PDLIM3: variants seen among roughly 807,000 people sequenced by gnomAD.
PDLIM3 encodes the protein PDZ and LIM domain 3.
PDLIM3 carries 36 observed loss-of-function variants against 37.3 expected under a neutral mutation model. That is an observed-to-expected ratio of 0.97 (90% CI 0.74 to 1.28). The LOEUF (loss-of-function observed/expected upper bound fraction) is 1.28, where lower values mean the gene tolerates loss of function less well. PDLIM3 is among the 50% of genes most tolerant of loss of function. PDLIM3 has a pLI of 0.00. For synonymous variants in PDLIM3, 174 were observed against 182.4 expected, an observed-to-expected ratio of 0.95 and a Z score of 0.37; for missense variants, 454 against 485.0, an observed-to-expected ratio of 0.94 and a Z score of 0.60.
intron 4 of PDLIM3, among the ~76,000 whole-genome samples, chr4:185,511,931 T>A (rs1351338831): frequency 6.6e-6 from 1 of 152,068 alleles, no homozygotes; most frequent in Non-Finnish European, 1.5e-5. Flanking sequence ...ACTACATTTG[T>A]TTTAAAAGTT....
intron 1 of PDLIM3, among the ~76,000 whole-genome samples, chr4:185,534,057 CG>C (rs112934251): frequency 3.3e-5 from 5 of 152,094 alleles, no homozygotes; most frequent in African/African-American, 1.2e-4. Context: ...TACTTAGGAA[CG>C]TTTTTGGGGG....
chr4:185,506,735 C>T, intron 5 of PDLIM3, 83 bp from the exon 6 acceptor site: 1 of 1,337,820 alleles, frequency 7.5e-7, no homozygotes, highest in Non-Finnish European at 1.1e-6. Context: ...CAATACTCAG[C>T]CATTACTCTA....
intron 1 of PDLIM3, among the ~76,000 whole-genome samples, chr4:185,534,010 G>A (rs1401965006): frequency 1.3e-5 from 2 of 152,162 alleles, no homozygotes; most frequent in African/African-American, 4.8e-5. Context: ...AATAGGAATT[G>A]CTTGGCCCAG....
In PDLIM3 at chr4:185,514,949, C is replaced by T. The variant is rs898005780; in HGVS notation, c.331-612G>A. ...AGCGCACAAGAAAGCCATTAGTGAG[C>T]GAAACCAACAGCATCACTACTGTTA... On this transcript the variant is annotated intron_variant, in intron 3 of 7. Coordinates refer to ENST00000284767, the MANE Select transcript of PDLIM3 (RefSeq NM_014476.6). This position sits in a 1 kb window ranked among gnomAD's most constrained non-coding sequence, Gnocchi z 4.0. The T allele has an allele frequency of 7.4e-6, 10 of 1,347,916 alleles. No individual in the cohort carries two copies. Among genetic ancestry groups the T allele is most frequent in the African/African-American group, 5.9e-5 (4 of 68,092 alleles). The allele number at this position is 1,347,916 out of a possible 1,614,324, so 83.5% of individuals were successfully genotyped here.
intron 3 of PDLIM3, chr4:185,515,120 C>T (rs1360315435): frequency 3.0e-6 from 1 of 337,684 alleles, no homozygotes; most frequent in Non-Finnish European, 5.3e-6. Context: ...CCTTATTTAA[C>T]ATATTATAAA....
In PDLIM3 at chr4:185,514,872, T is replaced by C. The variant is rs1421842898; in HGVS notation, c.331-535A>G. 1.3e-6 allele frequency: 2 copies of C among 1,551,244 alleles called. No individual in the cohort carries two copies. Among genetic ancestry groups the C allele is most frequent in the East Asian group, 4.9e-5 (2 of 40,914 alleles). On this transcript the variant is annotated intron_variant, in intron 3 of 7. Transcript: ENST00000284767. This position sits in a 1 kb window ranked among gnomAD's most constrained non-coding sequence, Gnocchi z 4.0. ...GGCTGGGCCCTTCTGTTGTGCGCGG[T>C]ACCAATGGGTTTGAATTCCTGTACA... is the stretch of plus-strand genomic sequence containing the variant.
intron 3 of PDLIM3, chr4:185,523,143 G>T (rs1261033849): frequency 6.0e-6 from 3 of 501,308 alleles, no homozygotes; most frequent in African/African-American, 5.8e-5. Flanking sequence ...TCTGATGGGA[G>T]CATATTTTGT....
At chr4:185,530,606 C>T (rs957582691) in intron 1 of PDLIM3, among the ~76,000 whole-genome samples, 2 of 152,240 alleles carry the variant, frequency 1.3e-5, no homozygotes, top group East Asian at 1.9e-4. Flanking sequence ...CCCTTATTCA[C>T]GGTTTTATTT....
Position 185,525,042 on chromosome 4 carries a change from G to T in PDLIM3, c.223C>A (p.Gln75Lys). 6.2e-7 allele frequency: 1 copy of T among 1,614,136 alleles called. No homozygotes were observed. Residue 75 changes from glutamine to lysine, a missense_variant, in exon 2 of 8, where the codon CAG becomes AAG. By Grantham distance (53) the Gln-to-Lys change is moderately conservative (BLOSUM62 1). Transcript: ENST00000284767. The stretch of plus-strand genomic sequence containing the variant: ...CACCTGTCAATTTTGAGACACAGCT[G>T]GTGAGCTGCTGCTTTAATCCTGTCC... Reference protein sequence around the residue: ...AQDRIKAAAHQLCLKIDRGET... With the variant: ...AQDRIKAAAHKLCLKIDRGET...
intron 3 of PDLIM3, chr4:185,515,685 A>G (rs1425015418): frequency 6.6e-6 from 1 of 152,216 alleles, no homozygotes; most frequent in Admixed American, 6.5e-5. Flanking sequence ...AAAAGGACCA[A>G]ACAGCAGAGT....
rs1182443667 is a variant in PDLIM3, at chr4:185,504,012, G to A, written c.905+463C>T. Among the ~76,000 whole-genome samples the A allele has an allele frequency of 1.3e-5, 2 of 151,868 alleles. No individual in the cohort carries two copies. Among genetic ancestry groups the A allele is most frequent in the African/African-American group, 4.8e-5 (2 of 41,358 alleles). On this transcript the variant is annotated intron_variant, in intron 7 of 7. Coordinates refer to ENST00000284767, the MANE Select transcript of PDLIM3 (RefSeq NM_014476.6). The surrounding 1 kb of genome is among the most constrained non-coding windows in gnomAD (Gnocchi z 4.7). ...TTTTCAATATTTTGTTTCAACATTT[G>A]TGTAACTTACACTGGGTAAGGATAA...
At chr4:185,532,688 G>T (rs1335288094) in intron 1 of PDLIM3, among the ~76,000 whole-genome samples, 1 of 152,212 alleles carries the variant, frequency 6.6e-6, no homozygotes, top group Admixed American at 6.5e-5. Flanking sequence ...GAAAAGTCAT[G>T]AATGTTGTGC....
At chr4:185,535,120 C>A (rs961676050) in intron 1 of PDLIM3, among the ~76,000 whole-genome samples, 2 of 152,232 alleles carry the variant, frequency 1.3e-5, no homozygotes, top group Non-Finnish European at 2.9e-5. Flanking sequence ...GATGGGACAC[C>A]TTTAGAGCGG....
chr4:185,504,375 T>C lies in PDLIM3; in HGVS notation c.905+100A>G. On this transcript the variant is annotated intron_variant, in intron 7 of 7. Transcript: ENST00000284767. This position sits in a 1 kb window ranked among gnomAD's most constrained non-coding sequence, Gnocchi z 4.7. ...CGTTTCAAGTTGATGAATAGAAATT[T>C]GGTTTTCACAGTTGCCTTTAGTCTA... The C allele has an allele frequency of 1.1e-6, 1 of 892,866 alleles. No individual in the cohort carries two copies. The highest frequency in any genetic ancestry group is 2.0e-5 in the Admixed American group (1 of 50,620). The allele number at this position is 892,866 out of a possible 1,614,324, so 55.3% of individuals were successfully genotyped here.
At chr4:185,524,711 T>C (rs137972160) in intron 2 of PDLIM3, among the ~76,000 whole-genome samples, 279 of 152,308 alleles carry the variant, frequency 1.8e-3, no homozygotes, top group African/African-American at 6.4e-3. Flanking sequence ...ATATAACTAG[T>C]TGTGTTGTTC....
chr4:185,507,987 C>T (rs557403472), intron 5 of PDLIM3, among the ~76,000 whole-genome samples: 8 of 152,092 alleles, frequency 5.3e-5, no homozygotes, highest in South Asian at 2.1e-4. Flanking sequence ...TTGTAGCTTT[C>T]GAGAGACATA....
chr4:185,523,219 A>C (rs1300561379), intron 3 of PDLIM3, 143 bp downstream of exon 3: 2 of 634,978 alleles, frequency 3.1e-6, no homozygotes, highest in Non-Finnish European at 5.7e-6. Flanking sequence ...GGATAATATA[A>C]ATTAATCTCG....
Position 185,502,483 on chromosome 4 carries a change from G to A in PDLIM3, c.906C>T (p.Val302=), listed in dbSNP as rs4635850. 0.82 allele frequency: 1,320,144 copies of A among 1,613,280 alleles called. 549,789 individuals are homozygous for A. Among genetic ancestry groups the A allele is most frequent in the Non-Finnish European group, 0.86 (1,009,595 of 1,179,386 alleles). Residue 302 remains valine (V), a splice_region_variant and synonymous_variant, in exon 8 of 8, where the codon GTC becomes GTT. Coordinates refer to ENST00000284767, the MANE Select transcript of PDLIM3 (RefSeq NM_014476.6). ...TATCCCGCGCCTTCACCACAGCACC[G>A]CTGTTGGGGAAGAAAACGAGCTCAA... ...PLCDKCGSGI[V]GAVVKARDKY...
chr4:185,530,516 G>T (rs1038809154), intron 1 of PDLIM3, among the ~76,000 whole-genome samples: 1 of 152,142 alleles, frequency 6.6e-6, no homozygotes, highest in Non-Finnish European at 1.5e-5. Flanking sequence ...ATTTTAGTGA[G>T]AAAAGACACA....
Sources: gnomAD v4.1 joint callset for allele counts (sites outside exome capture counted in the v4.1 genomes callset) on GRCh38, gnomAD v4.1.1 for gene constraint, Gnocchi (gnomAD v3.1) non-coding constraint, MANE v1.5 for transcripts, NCBI Gene and HGNC (gene_info 2026-07-23, HGNC 2026-07-21) for gene names.